The following TRMT44 variants were observed in gnomAD, a reference collection of about 807,000 sequenced individuals.
TRMT44 encodes the protein tRNA methyltransferase 44 homolog, also known as probable tRNA (uracil-O(2)-)-methyltransferase.
In TRMT44, 78 loss-of-function variants were observed where a neutral mutation model predicts 77.3. That is an observed-to-expected ratio of 1.01 (90% CI 0.84 to 1.22). TRMT44 has a LOEUF of 1.22. Among genes scored for constraint, TRMT44 ranks in the 50% most tolerant of loss-of-function variants. The probability of loss-of-function intolerance (pLI) is 0.00; values close to 1 mark genes in which losing one functional copy is unlikely to be tolerated. For synonymous variants in TRMT44, 391 were observed against 383.3 expected (o/e 1.02, Z -0.23); for missense variants, 1,090 against 964.4 (o/e 1.13, Z -1.73).
chr4:8,456,144 A>C (rs1461528758), intron 6 of TRMT44, among the ~76,000 whole-genome samples: 6 of 152,222 alleles, frequency 3.9e-5, no homozygotes. Context: ...TAATTGCATG[A>C]AACTAACTGT....
intron 8 of TRMT44, 62 bp downstream of exon 8, chr4:8,465,623 C>T (rs913383063): frequency 1.4e-6 from 2 of 1,435,224 alleles, no homozygotes; most frequent in Non-Finnish European, 1.9e-6. Flanking sequence ...GAGCTCAGGG[C>T]TCTGCCACAG....
chr4:8,506,263 G>A, the TRMT44 span, among the ~76,000 whole-genome samples: 4 of 152,346 alleles, frequency 2.6e-5, no homozygotes, highest in East Asian at 7.7e-4. Context: ...CTGAGGGGCT[G>A]TGCCCTGCTG....
At chr4:8,470,720 T>G (rs62287391) in intron 9 of TRMT44, among the ~76,000 whole-genome samples, 4,614 of 152,294 alleles carry the variant, frequency 0.03, 90 homozygotes, top group South Asian at 0.043. Flanking sequence ...AGCTTGGCCT[T>G]CCTTCTTTAG....
chr4:8,475,502 C>G (rs77308466), intron 10 of TRMT44, among the ~76,000 whole-genome samples: 6,745 of 152,242 alleles, frequency 0.044, 246 homozygotes, highest in African/African-American at 0.09. Context: ...GCTGCTTTGC[C>G]TAAAATGCTC....
At chr4:8,478,120 CAG>C (rs1431833920), downstream of TRMT44, 4 of 152,968 alleles carry the variant, frequency 2.6e-5, no homozygotes, top group African/African-American at 9.6e-5. Context: ...TGTGGGGAGA[CAG>C]GAGAGTGGCC....
At chr4:8,479,783 C>G (rs1727555662), downstream of TRMT44, among the ~76,000 whole-genome samples, 1 of 152,162 alleles carries the variant, frequency 6.6e-6, no homozygotes, top group Admixed American at 6.5e-5. Context: ...TTTTTTCTAA[C>G]TTGTTAATTT....
intron 2 of TRMT44, among the ~76,000 whole-genome samples, chr4:8,486,787 G>A (rs1028717045): frequency 6.6e-6 from 1 of 152,148 alleles, no homozygotes; most frequent in Non-Finnish European, 1.5e-5. Flanking sequence ...GGCTACTCAC[G>A]GAATGAAACT....
rs1198997528 is a variant in TRMT44 at position 8,444,663 on chromosome 4, G to C, written c.620-1813G>C. On this transcript the variant is annotated intron_variant, in intron 1 of 10. Transcript: ENST00000389737. This position sits in a 1 kb window ranked among gnomAD's most constrained non-coding sequence, Gnocchi z 4.0. ...TCCGCCTGCCTTGGCCTCCCAAAGT[G>C]CCGGGGTTACGGGCGTGAGCCACCT... Among the ~76,000 whole-genome samples, 1 of 152,230 alleles carries C rather than the reference G, an allele frequency of 6.6e-6. No homozygotes were observed. The highest frequency in any genetic ancestry group is 1.5e-5 in the Non-Finnish European group (1 of 68,046).
At chr4:8,468,387 C>A in intron 9 of TRMT44, 41 bp downstream of exon 9, 1 of 1,593,874 alleles carries the variant, frequency 6.3e-7, no homozygotes, top group Non-Finnish European at 8.6e-7. Flanking sequence ...AGCACGCTCC[C>A]AGGCTTGAGG....
chr4:8,506,592 A>G, the TRMT44 span, among the ~76,000 whole-genome samples: 1 of 152,114 alleles, frequency 6.6e-6, no homozygotes, highest in Non-Finnish European at 1.5e-5. Flanking sequence ...TTCCCCCCTC[A>G]GCCTGGGGTC....
chr4:8,504,781 C>T, the TRMT44 span, among the ~76,000 whole-genome samples: 1 of 152,184 alleles, frequency 6.6e-6, no homozygotes, highest in Admixed American at 6.5e-5. The surrounding 1 kb of genome is among the most constrained non-coding windows in gnomAD (Gnocchi z 5.3). Flanking sequence ...GCAAACTGCA[C>T]TCCATGGTGG....
downstream of TRMT44, among the ~76,000 whole-genome samples, chr4:8,494,733 C>T (rs530132281): frequency 6.6e-6 from 1 of 152,172 alleles, no homozygotes; most frequent in African/African-American, 2.4e-5. Context: ...GCAAAATAAA[C>T]TTTCTAAATT....
the TRMT44 span, among the ~76,000 whole-genome samples, chr4:8,513,812 A>G: frequency 5.9e-5 from 9 of 152,334 alleles, no homozygotes; most frequent in Middle Eastern, 3.4e-3. Context: ...CAGGGAAATG[A>G]GGATTGAGAC....
intron 8 of TRMT44, 34 bp downstream of exon 8, chr4:8,465,595 T>G: frequency 6.3e-7 from 1 of 1,579,762 alleles, no homozygotes; most frequent in Non-Finnish European, 8.6e-7. Flanking sequence ...CTAGGCGGTG[T>G]GTCGGTGTTC....
In TRMT44 at chr4:8,467,498, T is replaced by A. The variant is rs373900869; in HGVS notation, c.1495-416T>A. ...TTTATTTTTATTGATTTATTTATTT[T>A]GAGATGGAGTTTTTGCTCTTGTCAC... On this transcript the variant is annotated intron_variant, in intron 8 of 10. Transcript: ENST00000389737. Among the ~76,000 whole-genome samples, 16 of 152,356 alleles carry A rather than the reference T, an allele frequency of 1.1e-4. No homozygotes were observed. The East Asian group carries it at 2.9e-3, about 28-fold the overall frequency.
rs1725538175 is a variant in TRMT44 at position 8,452,798 on chromosome 4, T to C, written c.1024-84T>C. ...ATTTCAAGTTTCCTTTCACTCAGAGTTTTCTTTGACCAGTTTGTGTCTAAA... is the reference window on the plus strand; with the variant it reads ...ATTTCAAGTTTCCTTTCACTCAGAGCTTTCTTTGACCAGTTTGTGTCTAAA... On this transcript the variant is annotated intron_variant, in intron 4 of 10. Transcript: ENST00000389737. The surrounding 1 kb of genome is among the most constrained non-coding windows in gnomAD (Gnocchi z 5.7). 1.4e-6 allele frequency: 1 copy of C among 712,476 alleles called. No individual in the cohort carries two copies. Among genetic ancestry groups the C allele is most frequent in the African/African-American group, 1.9e-5 (1 of 52,596 alleles). The allele number at this position is 712,476 out of a possible 1,614,324, so 44.1% of individuals were successfully genotyped here.
At chr4:8,492,852 G>A (rs968549459) in intron 2 of TRMT44, among the ~76,000 whole-genome samples, 2 of 152,136 alleles carry the variant, frequency 1.3e-5, no homozygotes, top group African/African-American at 4.8e-5. Context: ...CCACCTTTCT[G>A]GATGGAACCA....
At chr4:8,513,757 A>G in the TRMT44 span, among the ~76,000 whole-genome samples, 1 of 152,232 alleles carries the variant, frequency 6.6e-6, no homozygotes, top group Non-Finnish European at 1.5e-5. Context: ...GAGCATATTC[A>G]GATCATCAAT....
At chr4:8,488,531 T>C (rs528267213) in intron 2 of TRMT44, among the ~76,000 whole-genome samples, 17 of 152,336 alleles carry the variant, frequency 1.1e-4, no homozygotes, top group Admixed American at 4.6e-4. Context: ...CAAGGTAATG[T>C]CATCACTTAA....
Sources: allele counts gnomAD v4.1 joint callset (sites outside exome capture counted in the v4.1 genomes callset), GRCh38; gene constraint gnomAD v4.1.1; non-coding constraint Gnocchi (gnomAD v3.1); transcripts MANE v1.5; gene names NCBI Gene and HGNC (gene_info 2026-07-23, HGNC 2026-07-21).